The following MRM1 variants were observed in gnomAD, a reference collection of about 807,000 sequenced individuals.
MRM1 encodes rRNA methyltransferase 1, mitochondrial.
In MRM1, 24 loss-of-function variants were observed where a neutral mutation model predicts 25.0. The ratio of observed to expected loss-of-function variants is 0.96; its 90% CI spans 0.69 to 1.35. The LOEUF is 1.35. Ranked by LOEUF, MRM1 falls within the 40% of genes most tolerant of loss-of-function variation. The pLI is 0.00. For missense variants in MRM1, 431 were observed against 464.1 expected, an observed-to-expected ratio of 0.93 and a Z score of 0.65; for synonymous variants, 188 against 199.2, an observed-to-expected ratio of 0.94 and a Z score of 0.47.
downstream of MRM1, among the ~76,000 whole-genome samples, chr17:36,611,425 G>A (rs1043524313): frequency 2.0e-5 from 3 of 152,168 alleles, no homozygotes; most frequent in Admixed American, 2.0e-4. Context: ...AATAAAATGA[G>A]AGTATCGGTA....
intron 2 of MRM1, among the ~76,000 whole-genome samples, chr17:36,605,629 A>G (rs889793206): frequency 6.6e-6 from 1 of 150,896 alleles, no homozygotes; most frequent in African/African-American, 2.4e-5. Flanking sequence ...CCTACTGCAC[A>G]GTTGTTGTTA....
downstream of MRM1, among the ~76,000 whole-genome samples, chr17:36,613,534 C>T (rs2142849198): frequency 6.6e-6 from 1 of 152,340 alleles, no homozygotes; most frequent in East Asian, 1.9e-4. Context: ...AACCCCTCTG[C>T]CTCCCCTTCC....
the MRM1 span, among the ~76,000 whole-genome samples, chr17:36,632,163 G>A: frequency 6.6e-6 from 1 of 152,164 alleles, no homozygotes; most frequent in African/African-American, 2.4e-5. Context: ...AGAGGTTTTT[G>A]ATGTGCCCCT....
intron 2 of MRM1, among the ~76,000 whole-genome samples, chr17:36,607,195 G>C (rs139707677): frequency 0.019 from 2,861 of 152,018 alleles, 43 homozygotes; most frequent in Non-Finnish European, 0.03. Flanking sequence ...GATTACAGGC[G>C]TGAGCCACCG....
the MRM1 span, among the ~76,000 whole-genome samples, chr17:36,622,630 G>A: frequency 2.6e-5 from 4 of 152,016 alleles, no homozygotes; most frequent in East Asian, 1.9e-4. Context: ...ACCTGATGTC[G>A]GATTCCTTCA....
At chr17:36,630,242 A>G in the MRM1 span, among the ~76,000 whole-genome samples, 1 of 152,126 alleles carries the variant, frequency 6.6e-6, no homozygotes, top group Non-Finnish European at 1.5e-5. Flanking sequence ...AGTGCTGTTG[A>G]GTGATTGGTG....
chr17:36,634,079 C>G, the MRM1 span: 1 of 152,270 alleles, frequency 6.6e-6, no homozygotes, highest in Non-Finnish European at 1.5e-5. Flanking sequence ...CTCTCTCCCC[C>G]ATTCTTCTAG....
chr17:36,625,385 C>T, the MRM1 span, among the ~76,000 whole-genome samples: 8 of 80,610 alleles, frequency 9.9e-5, no homozygotes, highest in East Asian at 2.2e-3. Flanking sequence ...TTCCTCTTCG[C>T]TCTTCGTCTT....
At chr17:36,632,985 G>A in the MRM1 span, among the ~76,000 whole-genome samples, 1 of 152,202 alleles carries the variant, frequency 6.6e-6, no homozygotes, top group Non-Finnish European at 1.5e-5. Flanking sequence ...CGGAAAGGGC[G>A]TTGTTCCCAA....
the MRM1 span, among the ~76,000 whole-genome samples, chr17:36,617,282 C>T: frequency 6.6e-6 from 1 of 152,068 alleles, no homozygotes; most frequent in African/African-American, 2.4e-5. Flanking sequence ...TTAGTTTCCT[C>T]CCTGTAAGAT....
chr17:36,603,102 C>A (rs562877816), intron 2 of MRM1: 974 of 985,378 alleles, frequency 9.9e-4, no homozygotes, highest in Non-Finnish European at 1.1e-3. Flanking sequence ...TTGTCTTCAG[C>A]TGTGCTTCCC....
Position 36,601,992 on chromosome 17 carries a change from C to T in MRM1, c.182C>T (p.Ala61Val), listed in dbSNP as rs756123716. The T allele has an allele frequency of 1.2e-6, 2 of 1,610,418 alleles. No individual in the cohort carries two copies. Among genetic ancestry groups the T allele is most frequent in the Admixed American group, 3.3e-5 (2 of 59,894 alleles). ...LLFGMTPCLLALQAARRSVAR... is the reference protein window; with the variant it reads ...LLFGMTPCLLVLQAARRSVAR... The stretch of plus-strand genomic sequence containing the variant: ...TTTGGCATGACCCCGTGTCTCCTGG[C>T]TCTGCAGGCCGCCCGCCGCTCTGTG... Residue 61 changes from alanine (A) to valine (V), a missense_variant, in exon 1 of 5, where the codon GCT (alanine) becomes GTT (valine). Physicochemically the swap from Ala to Val is moderately conservative, Grantham distance 64 (BLOSUM62 0). Transcript: ENST00000614766.
the MRM1 span, among the ~76,000 whole-genome samples, chr17:36,633,106 T>G: frequency 6.6e-6 from 1 of 152,200 alleles, no homozygotes; most frequent in African/African-American, 2.4e-5. Flanking sequence ...CTTTGCTCCC[T>G]GTGGGTGGCT....
At chr17:36,606,716 T>G (rs1292984856) in intron 2 of MRM1, among the ~76,000 whole-genome samples, 2 of 151,496 alleles carry the variant, frequency 1.3e-5, no homozygotes, top group Admixed American at 1.3e-4. Context: ...CAAGCGATTC[T>G]CCTCCCTCAG....
chr17:36,610,357 T>C (rs55823214), downstream of MRM1, among the ~76,000 whole-genome samples: 75,484 of 151,420 alleles, frequency 0.5, 20,771 homozygotes, highest in African/African-American at 0.75. Context: ...CTCAGCCTCC[T>C]GAGTAGCTGG....
Position 36,602,427 on chromosome 17 carries a change from G to T in MRM1, c.542+75G>T. On this transcript the variant is annotated intron_variant, in intron 1 of 4. Transcript: ENST00000614766. This position sits in a 1 kb window ranked among gnomAD's most constrained non-coding sequence, Gnocchi z 4.1. ...AGTTCCTAAGCACCTTGGCCCTTGG[G>T]TGATCCCTTAGCCAGACTTACCTGT... 2 of 1,564,740 alleles carry T rather than the reference G, an allele frequency of 1.3e-6. No individual in the cohort carries two copies. The highest frequency in any genetic ancestry group is 1.7e-6 in the Non-Finnish European group (2 of 1,152,234).
At chr17:36,620,997 A>G in the MRM1 span, among the ~76,000 whole-genome samples, 1 of 152,160 alleles carries the variant, frequency 6.6e-6, no homozygotes, top group Non-Finnish European at 1.5e-5. Flanking sequence ...CCATTGGCTG[A>G]GTGGCTTTGG....
In MRM1 at chr17:36,608,289, A is replaced by T. The variant is rs756834530; in HGVS notation, c.936A>T (p.Thr312=). 2.5e-6 allele frequency: 4 copies of T among 1,601,780 alleles called. No homozygotes were observed. The South Asian group carries it at 4.5e-5, about 18-fold the overall frequency. ...SICSQRKGFP[T]EGERRQLLQD... ...GCAGCCAGAGGAAGGGTTTCCCCAC[A>T]GAGGGGGAGAGAAGGCAGCTTCTCC... The change falls in exon 5 of 5, where the codon ACA becomes ACT. Residue 312 remains threonine, a synonymous_variant. Transcript: ENST00000614766.
Position 36,608,248 on chromosome 17 carries a change from C to A in MRM1, c.895C>A (p.Leu299Ile), listed in dbSNP as rs1465262361. Residue 299 changes from leucine (L) to isoleucine (I), a missense_variant, in exon 5 of 5, where the codon CTT becomes ATT. Physicochemically the swap from Leu to Ile is conservative, Grantham distance 5 (BLOSUM62 2). Coordinates refer to ENST00000614766, the MANE Select transcript of MRM1 (RefSeq NM_024864.5). ...TTGTCCTTGTGTCTGTGCAGGAATT[C>A]TTCTTCACTCCATTTGCAGCCAGAG... is the stretch of plus-strand genomic sequence containing the variant. ...SLNVSVAAGI[L>I]LHSICSQRKG... The A allele has an allele frequency of 1.2e-5, 19 of 1,565,992 alleles. No individual in the cohort carries two copies. In the East Asian group the frequency reaches 2.7e-4, roughly 22 times the overall value.
Sources: allele counts gnomAD v4.1 joint callset (sites outside exome capture counted in the v4.1 genomes callset), GRCh38; gene constraint gnomAD v4.1.1; non-coding constraint Gnocchi (gnomAD v3.1); transcripts MANE v1.5; gene names NCBI Gene and HGNC (gene_info 2026-07-23, HGNC 2026-07-21).